Variants in SGCD observed in about 807,000 individuals in gnomAD.
The protein encoded by SGCD is delta-sarcoglycan.
Under a neutral mutation model 36.6 loss-of-function variants are expected in SGCD, and 18 were observed. The ratio of observed to expected loss-of-function variants is 0.49; its 90% CI spans 0.34 to 0.73. The LOEUF (loss-of-function observed/expected upper bound fraction) is 0.73. SGCD is among the 30% of genes least tolerant of loss of function. SGCD has a pLI of 0.01. For synonymous variants in SGCD, 133 were observed against 130.6 expected, an observed-to-expected ratio of 1.02 and a Z score of -0.12; for missense variants, 387 against 346.7, an observed-to-expected ratio of 1.12 and a Z score of -0.92.
chr5:156,449,677 CAAAAAAAAAAAA>C (rs397883573), intron 3 of SGCD, among the ~76,000 whole-genome samples: 1 of 46,050 alleles, frequency 2.2e-5, no homozygotes, highest in South Asian at 1.1e-3. Context: ...ACTAAAAATA[CAAAAAAAAAAAA>C]AAAAAAAAAA....
intron 3 of SGCD, among the ~76,000 whole-genome samples, chr5:156,383,598 T>C (rs1038045290): frequency 6.6e-6 from 1 of 152,158 alleles, no homozygotes; most frequent in African/African-American, 2.4e-5. Context: ...CTGTGGAGCC[T>C]GGGTGAGTCA....
At position 156,329,581 on chromosome 5, in the gene SGCD, T is replaced by A. The variant is rs753979573; in HGVS notation, c.3+2T>A. The A allele has an allele frequency of 3.1e-6, 5 of 1,612,766 alleles. No homozygotes were observed. In the African/African-American group the frequency reaches 6.7e-5, roughly 22 times the overall value. On this transcript the variant is annotated splice_donor_variant, in intron 2 of 8. Transcript: ENST00000337851. LOFTEE classifies it high-confidence loss of function. Reference sequence around the variant, plus strand: ...GAGTGAAGGGACCAGGTGGAGATGGTGAGTAATTCCCGGGAGCGAAGCTTG... The same window carrying A: ...GAGTGAAGGGACCAGGTGGAGATGGAGAGTAATTCCCGGGAGCGAAGCTTG...
chr5:156,719,380 G>GAT (rs35582278), intron 7 of SGCD, among the ~76,000 whole-genome samples: 2 of 151,230 alleles, frequency 1.3e-5, no homozygotes, highest in Non-Finnish European at 2.9e-5. Context: ...ATATATTATA[G>GAT]ATATATATAT....
chr5:156,026,645 G>A (rs1759231588), intron 1 of SGCD, among the ~76,000 whole-genome samples: 1 of 152,176 alleles, frequency 6.6e-6, no homozygotes, highest in Admixed American at 6.5e-5. Context: ...CTTCCTGCTA[G>A]TATCAAGCCC....
intron 3 of SGCD, among the ~76,000 whole-genome samples, chr5:156,273,414 A>T (rs967227909): frequency 4.6e-5 from 7 of 152,190 alleles, no homozygotes; most frequent in African/African-American, 1.7e-4. Context: ...GAGATTTTTT[A>T]CAACATGGAT....
Position 156,344,520 on chromosome 5 carries a change from G to A in SGCD, c.35G>A (p.Ser12Asn), listed in dbSNP as rs1449665448. The change falls in exon 3 of 9, where the codon AGC becomes AAC. Residue 12 changes from serine to asparagine, a missense_variant. Coordinates refer to ENST00000337851, the MANE Select transcript of SGCD (RefSeq NM_000337.6). ...CAGGAGCAGTACACTCACCACCGGAGCACCATGCCTGGCTCTGTGGGGCCA... is the reference window on the plus strand; with the variant it reads ...CAGGAGCAGTACACTCACCACCGGAACACCATGCCTGGCTCTGTGGGGCCA... ...MPQEQYTHHR[S>N]TMPGSVGPQV... The A allele has an allele frequency of 1.2e-6, 2 of 1,608,676 alleles. No individual in the cohort carries two copies. Among genetic ancestry groups the A allele is most frequent in the Admixed American group, 3.4e-5 (2 of 59,406 alleles).
At position 156,235,304 on chromosome 5, in the gene SGCD, T is replaced by G. The variant is rs191572285; in HGVS notation, c.-43-94230T>G. Among the ~76,000 whole-genome samples the G allele has an allele frequency of 4.1e-3, 617 of 152,314 alleles. 2 individuals are homozygous for G. The highest frequency in any genetic ancestry group is 0.014 in the Middle Eastern group (4 of 294). On this transcript the variant is annotated intron_variant, in intron 3 of 9. Transcript: ENST00000517913. ...TTGTTCTGAGGCAGAAAATCAATTC[T>G]GTTGAATCATGTGACTTTGGGATAA...
At chr5:156,541,436 G>A (rs1004731862) in intron 4 of SGCD, among the ~76,000 whole-genome samples, 3 of 152,154 alleles carry the variant, frequency 2.0e-5, no homozygotes, top group Non-Finnish European at 4.4e-5. Flanking sequence ...AATTCCCAAT[G>A]GGATGGTGGC....
chr5:156,176,131 G>GTGTGTT (rs1763464260), intron 3 of SGCD, among the ~76,000 whole-genome samples: 1 of 151,918 alleles, frequency 6.6e-6, no homozygotes, highest in African/African-American at 2.4e-5. Context: ...GTGTGTGTGT[G>GTGTGTT]TGTGTTTGTG....
At chr5:156,633,650 T>C (rs1762717025) in intron 6 of SGCD, among the ~76,000 whole-genome samples, 1 of 152,176 alleles carries the variant, frequency 6.6e-6, no homozygotes, top group African/African-American at 2.4e-5. Flanking sequence ...GTCTGGCAAA[T>C]AGTAAGCACT....
At chr5:156,374,414 A>G (rs1770549377) in intron 3 of SGCD, among the ~76,000 whole-genome samples, 1 of 152,178 alleles carries the variant, frequency 6.6e-6, no homozygotes, top group Non-Finnish European at 1.5e-5. Flanking sequence ...AGTCAGCTTC[A>G]CATGGGAGCA....
At chr5:156,727,925 A>G (rs187316191) in intron 7 of SGCD, among the ~76,000 whole-genome samples, 1 of 152,348 alleles carries the variant, frequency 6.6e-6, no homozygotes, top group East Asian at 1.9e-4. Flanking sequence ...TGAATGTTAA[A>G]TAGTTCAATC....
intron 3 of SGCD, among the ~76,000 whole-genome samples, chr5:156,447,013 G>C (rs543011278): frequency 6.6e-6 from 1 of 152,266 alleles, no homozygotes; most frequent in East Asian, 1.9e-4. Context: ...ATTATGCCCT[G>C]TGCCTGAAAG....
intron 1 of SGCD, among the ~76,000 whole-genome samples, chr5:156,079,338 C>G (rs1760886212): frequency 6.6e-6 from 1 of 152,174 alleles, no homozygotes; most frequent in Non-Finnish European, 1.5e-5. Context: ...GACATATAAT[C>G]AAACCATATC....
intron 3 of SGCD, among the ~76,000 whole-genome samples, chr5:156,495,978 T>C (rs1756167708): frequency 6.6e-6 from 1 of 152,164 alleles, no homozygotes; most frequent in Non-Finnish European, 1.5e-5. Context: ...ATCTGAGTGC[T>C]CATTGGGAGT....
chr5:155,935,011 T>G (rs1757167575), intron 1 of SGCD, among the ~76,000 whole-genome samples: 1 of 152,160 alleles, frequency 6.6e-6, no homozygotes, highest in Admixed American at 6.5e-5. Flanking sequence ...GTCCAATGCT[T>G]GGGGATGGTG....
At chr5:156,090,248 G>T (rs1761207896) in intron 1 of SGCD, among the ~76,000 whole-genome samples, 1 of 152,166 alleles carries the variant, frequency 6.6e-6, no homozygotes, top group Non-Finnish European at 1.5e-5. Flanking sequence ...AGATGGCTCT[G>T]TGAGCATACA....
intron 1 of SGCD, among the ~76,000 whole-genome samples, chr5:155,881,582 T>A (rs905036165): frequency 2.0e-5 from 3 of 152,196 alleles, no homozygotes; most frequent in African/African-American, 7.2e-5. Flanking sequence ...ATGTGTTTGG[T>A]GAAGCTTGGG....
At chr5:155,772,767 A>AT in the SGCD span, among the ~76,000 whole-genome samples, 1,427 of 151,912 alleles carry the variant, frequency 9.4e-3, 20 homozygotes, top group African/African-American at 0.033. Flanking sequence ...TACTATTATT[A>AT]TTTTTTTTAT....
Sources: allele counts gnomAD v4.1 joint callset (sites outside exome capture counted in the v4.1 genomes callset), GRCh38; gene constraint gnomAD v4.1.1; transcripts MANE v1.5; gene names NCBI Gene and HGNC (gene_info 2026-07-23, HGNC 2026-07-21).